The following TYW1B variants were observed in gnomAD, a reference collection of about 807,000 sequenced individuals.
TYW1B encodes S-adenosyl-L-methionine-dependent tRNA 4-demethylwyosine synthase TYW1B.
In TYW1B, 73 loss-of-function variants were observed where a neutral mutation model predicts 86.9. That is an observed-to-expected ratio of 0.84 (90% CI 0.70 to 1.02). The LOEUF (loss-of-function observed/expected upper bound fraction) is 1.02. TYW1B is among the 50% of genes least tolerant of loss of function. The pLI is 0.00. For synonymous variants in TYW1B, 248 were observed against 292.8 expected (o/e 0.85, Z 1.56); for missense variants, 637 against 827.4 (o/e 0.77, Z 2.82).
chr7:72,575,878 A>T (rs1250856077), intron 13 of TYW1B, among the ~76,000 whole-genome samples, 159 bp from the exon 14 acceptor site: 2 of 152,246 alleles, frequency 1.3e-5, no homozygotes, highest in East Asian at 3.8e-4. Flanking sequence ...CATGTTCCAG[A>T]CATGACTTCC....
At chr7:72,609,039 G>A (rs1389291554) in intron 13 of TYW1B, among the ~76,000 whole-genome samples, 28 of 152,272 alleles carry the variant, frequency 1.8e-4, no homozygotes, top group Non-Finnish European at 3.8e-4. Context: ...TTTTGATAAC[G>A]TACTATGATC....
intron 11 of TYW1B, among the ~76,000 whole-genome samples, chr7:72,674,575 C>T (rs574259799): frequency 2.0e-5 from 3 of 152,050 alleles, no homozygotes; most frequent in South Asian, 2.1e-4. Context: ...CCACGCAGAC[C>T]AAGTCACCCA....
chr7:72,699,592 A>T (rs1160355578), intron 10 of TYW1B, among the ~76,000 whole-genome samples: 2 of 152,186 alleles, frequency 1.3e-5, no homozygotes, highest in African/African-American at 2.4e-5. Context: ...AAGTTGGGAG[A>T]CATACTTACC....
rs140969022 is a variant in TYW1B, at chr7:72,699,743, G to A, written c.1371-4921C>T. On this transcript the variant is annotated intron_variant, in intron 10 of 13. Coordinates refer to ENST00000620995, the MANE Select transcript of TYW1B (RefSeq NM_001145440.3). ...CGGCTCACCACAACCTCCACCTCCC[G>A]GGTTCAAGCAATTCTCCTACCTCAG... Among the ~76,000 whole-genome samples the A allele has an allele frequency of 6.1e-3, 920 of 151,592 alleles. 11 individuals carry two copies. The highest frequency in any genetic ancestry group is 0.021 in the African/African-American group (871 of 41,292).
At chr7:72,815,120 C>A (rs1336317410) in intron 3 of TYW1B, among the ~76,000 whole-genome samples, 2 of 149,820 alleles carry the variant, frequency 1.3e-5, no homozygotes, top group African/African-American at 4.9e-5. Context: ...GAACTTCCAA[C>A]CACCCAAGCT....
intron 6 of TYW1B, among the ~76,000 whole-genome samples, chr7:72,787,070 C>A (rs561129220): frequency 3.9e-5 from 6 of 151,910 alleles, no homozygotes; most frequent in Non-Finnish European, 5.9e-5. Flanking sequence ...AACATTCATA[C>A]ATTTTTCAAA....
chr7:72,606,376 A>G (rs1395359398), intron 13 of TYW1B, among the ~76,000 whole-genome samples: 1 of 152,192 alleles, frequency 6.6e-6, no homozygotes, highest in South Asian at 2.1e-4. Flanking sequence ...TCACCTGGTT[A>G]TAACGAGGCA....
In TYW1B at chr7:72,761,452, T is replaced by C. The variant is rs542768370; in HGVS notation, c.964+15964A>G. On this transcript the variant is annotated intron_variant, in intron 7 of 13. Coordinates refer to ENST00000620995, the MANE Select transcript of TYW1B (RefSeq NM_001145440.3). Reference sequence around the variant, plus strand: ...AATGTGTTCCTTATTGAGAAAAGAATGATTTTGAGTCAGACATAGTGGCTC... The same window carrying C: ...AATGTGTTCCTTATTGAGAAAAGAACGATTTTGAGTCAGACATAGTGGCTC... 2.6e-4 allele frequency among the ~76,000 whole-genome samples: 40 copies of C among 152,112 alleles called. 1 individual carries two copies. The South Asian group carries it at 8.3e-3, about 32-fold the overall frequency.
At chr7:72,632,402 T>TA (rs1812543237) in intron 11 of TYW1B, among the ~76,000 whole-genome samples, 1 of 79,704 alleles carries the variant, frequency 1.3e-5, no homozygotes, top group African/African-American at 1.0e-4. Context: ...ATATATATAA[T>TA]ATATATATAC....
chr7:72,624,473 T>C (rs1299992357), intron 12 of TYW1B, among the ~76,000 whole-genome samples: 4 of 152,224 alleles, frequency 2.6e-5, no homozygotes, highest in East Asian at 3.8e-4. Context: ...AAAATGGAAC[T>C]GCATAATAAA....
At chr7:72,661,455 C>T (rs1357049960) in intron 11 of TYW1B, among the ~76,000 whole-genome samples, 2 of 149,640 alleles carry the variant, frequency 1.3e-5, no homozygotes, top group Non-Finnish European at 3.0e-5. Context: ...AAACACAGGA[C>T]AAAACAAATT....
intron 2 of TYW1B, among the ~76,000 whole-genome samples, chr7:72,818,225 C>G (rs1336912615): frequency 6.6e-6 from 1 of 151,890 alleles, no homozygotes; most frequent in African/African-American, 2.4e-5. Flanking sequence ...TCTGCAGAAC[C>G]ATGAACCAAA....
rs1811966797 is a variant in TYW1B at position 72,612,778 on chromosome 7, C to A, written c.1785+3894G>T. On this transcript the variant is annotated intron_variant, in intron 13 of 13. Transcript: ENST00000620995. The stretch of plus-strand genomic sequence containing the variant: ...TATTTATTTTTTTTTTTGAGATGGT[C>A]TCACTCTGTTGCCCAGAATAAAGTG... Among the ~76,000 whole-genome samples, 4 of 151,570 alleles carry A rather than the reference C, an allele frequency of 2.6e-5. 1 individual carries two copies. The highest frequency in any genetic ancestry group is 9.7e-5 in the African/African-American group (4 of 41,290).
intron 11 of TYW1B, among the ~76,000 whole-genome samples, chr7:72,653,434 C>T (rs1245118618): frequency 6.6e-6 from 1 of 151,644 alleles, no homozygotes; most frequent in Admixed American, 6.6e-5. Context: ...GTGAAACCCC[C>T]GTCTCTTCTA....
At position 72,645,928 on chromosome 7, in the gene TYW1B, A is replaced by G. The variant is rs1246491861; in HGVS notation, c.1507-16931T>C. Among the ~76,000 whole-genome samples the G allele has an allele frequency of 3.4e-5, 5 of 149,092 alleles. No homozygotes were observed. The South Asian group carries it at 8.4e-4, about 25-fold the overall frequency. On this transcript the variant is annotated intron_variant, in intron 11 of 13. Coordinates refer to ENST00000620995, the MANE Select transcript of TYW1B (RefSeq NM_001145440.3). Reference sequence around the variant, plus strand: ...ATGGTATACTCCAATTAAAAAACTTATTAAAAATCATGTATATATGTATTA... The same window carrying G: ...ATGGTATACTCCAATTAAAAAACTTGTTAAAAATCATGTATATATGTATTA...
At chr7:72,640,007 T>C (rs1477877598) in intron 11 of TYW1B, among the ~76,000 whole-genome samples, 1 of 152,098 alleles carries the variant, frequency 6.6e-6, no homozygotes, top group African/African-American at 2.4e-5. Flanking sequence ...TAAAATGATA[T>C]AAACGTTAAT....
At position 72,779,712 on chromosome 7, in the gene TYW1B, C is replaced by CAAAAA. The variant is rs58301724; in HGVS notation, c.847-2184_847-2180dup. Among the ~76,000 whole-genome samples, 240 of 64,252 alleles carry CAAAAA rather than the reference C, an allele frequency of 3.7e-3. 20 individuals carry two copies. The highest frequency in any genetic ancestry group is 6.3e-3 in the Admixed American group (30 of 4,766). 42.2% of individuals were successfully genotyped at this position (64,252 alleles called of 152,430 possible). A position where few individuals can be genotyped will look rare whatever the true frequency, so the allele number is the denominator to read the frequency against. On this transcript the variant is annotated intron_variant, in intron 6 of 13. Coordinates refer to ENST00000620995, the MANE Select transcript of TYW1B (RefSeq NM_001145440.3). ...AGCCTGGGCGACAGAGACTCTGCCTCAAAAAAAAAAAAAAAAAAAAATTAA... is the reference window on the plus strand; with the variant it reads ...AGCCTGGGCGACAGAGACTCTGCCTCAAAAAAAAAAAAAAAAAAAAAAAAAATTAA...
intron 11 of TYW1B, among the ~76,000 whole-genome samples, chr7:72,680,815 A>G (rs1218989229): frequency 6.6e-6 from 1 of 152,234 alleles, no homozygotes; most frequent in Non-Finnish European, 1.5e-5. Flanking sequence ...AAAAAGAAGT[A>G]TGATAGAAAT....
chr7:72,713,527 A>G, intron 10 of TYW1B, 94 bp downstream of exon 10: 2 of 1,283,284 alleles, frequency 1.6e-6, no homozygotes, highest in Admixed American at 2.8e-5. Flanking sequence ...TAAGTAATCA[A>G]TAAATCCTAT....
Sources: gnomAD v4.1 joint callset for allele counts (sites outside exome capture counted in the v4.1 genomes callset) on GRCh38, gnomAD v4.1.1 for gene constraint, MANE v1.5 for transcripts, NCBI Gene and HGNC (gene_info 2026-07-23, HGNC 2026-07-21) for gene names.